The following SMAD3 variants were observed in gnomAD, a reference collection of about 807,000 sequenced individuals.
The protein encoded by SMAD3 is SMAD family member 3, also known as MAD homolog 3.
Under a neutral mutation model 51.8 loss-of-function variants are expected in SMAD3, and 12 were observed. That is an observed-to-expected ratio of 0.23 (90% CI 0.15 to 0.38). The LOEUF (loss-of-function observed/expected upper bound fraction) is 0.38, where lower values mean the gene tolerates loss of function less well. Ranked by LOEUF, SMAD3 falls within the 10% of genes least tolerant of loss-of-function variation. The pLI is 1.00. For missense variants in SMAD3, 294 were observed against 565.6 expected, an observed-to-expected ratio of 0.52 and a Z score of 4.87; for synonymous variants, 238 against 227.7, an observed-to-expected ratio of 1.05 and a Z score of -0.41.
chr15:67,160,770 C>CAAAAAAAAAAAAAAAAAAAAAAA (rs547354315), intron 1 of SMAD3, among the ~76,000 whole-genome samples: 3 of 61,002 alleles, frequency 4.9e-5, no homozygotes, highest in African/African-American at 7.3e-5. Context: ...GACTCCATCT[C>CAAAAAAAAAAAAAAAAAAAAAAA]AAAAAAAAAA....
At chr15:67,071,778 C>T (rs531443298) in intron 1 of SMAD3, among the ~76,000 whole-genome samples, 26 of 152,268 alleles carry the variant, frequency 1.7e-4, no homozygotes, top group Admixed American at 1.6e-3. Flanking sequence ...CGCCACTGCA[C>T]TCCAGCCTGG....
chr15:67,120,892 C>T (rs141660710), intron 1 of SMAD3, among the ~76,000 whole-genome samples: 47 of 152,172 alleles, frequency 3.1e-4, no homozygotes, highest in Non-Finnish European at 1.9e-4. Context: ...CATCAGCTAT[C>T]GTTAGTTAGC....
chr15:67,148,795 A>G (rs1268622218), intron 1 of SMAD3, among the ~76,000 whole-genome samples: 1 of 152,226 alleles, frequency 6.6e-6, no homozygotes, highest in Non-Finnish European at 1.5e-5. Context: ...GAAAGGTACT[A>G]TGAAGCTTAC....
chr15:67,149,270 T>G (rs1271718632), intron 1 of SMAD3, among the ~76,000 whole-genome samples: 3 of 152,180 alleles, frequency 2.0e-5, no homozygotes, highest in Non-Finnish European at 4.4e-5. Flanking sequence ...CTGTTCAGCA[T>G]TTTGAGTTTC....
intron 1 of SMAD3, among the ~76,000 whole-genome samples, chr15:67,127,741 C>T (rs1277768259): frequency 1.3e-5 from 2 of 152,122 alleles, no homozygotes; most frequent in Non-Finnish European, 2.9e-5. Context: ...CACCCCTCAT[C>T]CTACTGTACA....
At chr15:67,124,956 T>C (rs527469329) in intron 1 of SMAD3, among the ~76,000 whole-genome samples, 65 of 152,368 alleles carry the variant, frequency 4.3e-4, no homozygotes, top group African/African-American at 1.5e-3. Flanking sequence ...AGCTAAAGCA[T>C]ACATCAAGCA....
At chr15:67,083,792 T>A (rs964645882) in intron 1 of SMAD3, among the ~76,000 whole-genome samples, 1 of 152,218 alleles carries the variant, frequency 6.6e-6, no homozygotes, top group African/African-American at 2.4e-5. Context: ...CACAACCTAC[T>A]CTGATGTTCA....
At chr15:67,070,292 G>A (rs1231732245) in intron 1 of SMAD3, among the ~76,000 whole-genome samples, 1 of 152,144 alleles carries the variant, frequency 6.6e-6, no homozygotes, top group Non-Finnish European at 1.5e-5. Flanking sequence ...CGTAGGGCCT[G>A]AGAAGAGGAG....
intron 1 of SMAD3, among the ~76,000 whole-genome samples, chr15:67,073,181 CTCTCTT>C (rs1182708556): frequency 2.6e-5 from 4 of 152,226 alleles, no homozygotes; most frequent in African/African-American, 9.6e-5. Context: ...GGATCTCTCT[CTCTCTT>C]TCTCTTTCTC....
At chr15:67,110,012 G>A (rs1033454720) in intron 1 of SMAD3, among the ~76,000 whole-genome samples, 1 of 152,236 alleles carries the variant, frequency 6.6e-6, no homozygotes, top group Non-Finnish European at 1.5e-5. Flanking sequence ...GTCCACGCAG[G>A]CAAGAGATGA....
chr15:67,178,871 T>G (rs1201598801), intron 5 of SMAD3, among the ~76,000 whole-genome samples: 9 of 152,084 alleles, frequency 5.9e-5, no homozygotes, highest in Admixed American at 5.9e-4. Flanking sequence ...CCCTTCCCCA[T>G]TAAGTACTTT....
intron 1 of SMAD3, among the ~76,000 whole-genome samples, chr15:67,088,657 C>T (rs1007773758): frequency 2.0e-4 from 30 of 152,094 alleles, no homozygotes; most frequent in East Asian, 7.7e-4. Context: ...AGGCCGGGTG[C>T]GGTGGCTCAC....
chr15:67,142,597 C>A, intron 1 of SMAD3: 1 of 251,718 alleles, frequency 4.0e-6, no homozygotes, highest in Non-Finnish European at 8.1e-6. Context: ...GTACCCCACC[C>A]CCAATTCTCA....
intron 5 of SMAD3, among the ~76,000 whole-genome samples, chr15:67,176,623 T>G (rs1487313346): frequency 1.3e-5 from 2 of 152,272 alleles, no homozygotes; most frequent in East Asian, 3.8e-4. Flanking sequence ...CTTCTGGGTT[T>G]TATTCTGTTT....
chr15:67,187,639 G>C (rs1220068072), intron 8 of SMAD3, 130 bp downstream of exon 8: 30 of 1,197,568 alleles, frequency 2.5e-5, no homozygotes, highest in Non-Finnish European at 3.7e-5. Flanking sequence ...AAAGATCAGA[G>C]AGAGGCCAAG....
At chr15:67,120,513 A>G (rs186487058) in intron 1 of SMAD3, among the ~76,000 whole-genome samples, 314 of 152,334 alleles carry the variant, frequency 2.1e-3, no homozygotes, top group South Asian at 0.019. Flanking sequence ...GTCTGTGTTT[A>G]GGATGATGAA....
intron 1 of SMAD3, among the ~76,000 whole-genome samples, chr15:67,089,409 A>T (rs182367498): frequency 6.6e-6 from 1 of 152,334 alleles, no homozygotes; most frequent in East Asian, 1.9e-4. Context: ...ATACTTGGTC[A>T]TGTGCAGAGC....
chr15:67,154,453 C>A (rs1450683402), intron 1 of SMAD3, among the ~76,000 whole-genome samples: 1 of 152,154 alleles, frequency 6.6e-6, no homozygotes, highest in Non-Finnish European at 1.5e-5. Flanking sequence ...GTTGGGAACA[C>A]TCAGGAAACT....
chr15:67,069,214 T>A (rs889164604), intron 1 of SMAD3, among the ~76,000 whole-genome samples: 1 of 152,162 alleles, frequency 6.6e-6, no homozygotes. Context: ...TACACACTTA[T>A]CGACATAAAG....
Sources: gnomAD v4.1 joint callset for allele counts (sites outside exome capture counted in the v4.1 genomes callset) on GRCh38, gnomAD v4.1.1 for gene constraint, MANE v1.5 for transcripts, NCBI Gene and HGNC (gene_info 2026-07-23, HGNC 2026-07-21) for gene names.